Variants in PTPRD observed in about 807,000 individuals in gnomAD.
PTPRD encodes receptor-type tyrosine-protein phosphatase delta.
Under a neutral mutation model 214.5 loss-of-function variants are expected in PTPRD, and 34 were observed. The observed-to-expected ratio is 0.16, with a 90% CI of 0.12 to 0.21. PTPRD has a LOEUF of 0.21. Among genes scored for constraint, PTPRD ranks in the 10% least tolerant of loss-of-function variants. PTPRD has a pLI of 1.00. For missense variants in PTPRD, 2,545 were observed against 2,398.7 expected, an observed-to-expected ratio of 1.06 and a Z score of -1.27; for synonymous variants, 1,128 against 845.7, an observed-to-expected ratio of 1.33 and a Z score of -5.79.
At chr9:8,451,638 G>A (rs919326160) in intron 33 of PTPRD, among the ~76,000 whole-genome samples, 4 of 152,158 alleles carry the variant, frequency 2.6e-5, no homozygotes, top group African/African-American at 7.2e-5. Context: ...TTAATGAAAC[G>A]TCACTGGGTG....
Position 9,786,263 on chromosome 9 carries a change from A to G in PTPRD, c.-367-19412T>C, listed in dbSNP as rs924398697. Among the ~76,000 whole-genome samples, 9 of 152,152 alleles carry G rather than the reference A, an allele frequency of 5.9e-5. No individual in the cohort carries two copies. The South Asian group carries it at 6.2e-4, about 10-fold the overall frequency. Reference sequence around the variant, plus strand: ...ACTAATGAAAACTAGAAAAATTTACATCTTCTATGCCTACTCTAACCCATT... The same window carrying G: ...ACTAATGAAAACTAGAAAAATTTACGTCTTCTATGCCTACTCTAACCCATT... On this transcript the variant is annotated intron_variant, in intron 5 of 45. Coordinates refer to ENST00000381196, the MANE Select transcript of PTPRD (RefSeq NM_002839.4).
intron 3 of PTPRD, among the ~76,000 whole-genome samples, chr9:10,290,090 A>C (rs992963623): frequency 2.0e-5 from 3 of 152,154 alleles, no homozygotes; most frequent in African/African-American, 7.2e-5. Flanking sequence ...AAATTTTAAT[A>C]CTCAAATCAT....
intron 5 of PTPRD, among the ~76,000 whole-genome samples, chr9:9,808,168 T>C (rs1461654389): frequency 6.6e-6 from 1 of 152,202 alleles, no homozygotes; most frequent in African/African-American, 2.4e-5. Context: ...TGTTGCATAC[T>C]TCATAACTAT....
rs778163862 is a variant in PTPRD at position 8,373,804 on chromosome 9, TTATGTATGTATGTATG to T, written c.4661+2116_4661+2131del. Among the ~76,000 whole-genome samples, 128 of 127,000 alleles carry T rather than the reference TTATGTATGTATGTATG, an allele frequency of 1.0e-3. 1 individual carries two copies. The highest frequency in any genetic ancestry group is 4.4e-3 in the African/African-American group (124 of 27,956). 83.3% of individuals were successfully genotyped at this position (127,000 alleles called of 152,430 possible). On this transcript the variant is annotated intron_variant, in intron 39 of 45. Transcript: ENST00000381196. Reference sequence around the variant, plus strand: ...CAGAGGGTGAAATGCATTTTAAAAATTATGTATGTATGTATGTATGTATGTATGTATGTATGTATGT... The same window carrying T: ...CAGAGGGTGAAATGCATTTTAAAAATTATGTATGTATGTATGTATGTATGT...
In PTPRD at chr9:9,996,731, T is replaced by C. The variant is rs143140560; in HGVS notation, c.-472+36987A>G. Among the ~76,000 whole-genome samples, 298 of 152,284 alleles carry C rather than the reference T, an allele frequency of 2.0e-3. 5 individuals are homozygous for C. The highest frequency in any genetic ancestry group is 6.7e-3 in the African/African-American group (277 of 41,564). On this transcript the variant is annotated intron_variant, in intron 4 of 45. Coordinates refer to ENST00000381196, the MANE Select transcript of PTPRD (RefSeq NM_002839.4). The stretch of plus-strand genomic sequence containing the variant: ...TAATTATTAGCTGACCACTATAAGG[T>C]CCTCAGAAGTGATTTCAGTGGCTTC...
At chr9:9,703,540 G>C (rs921173533) in intron 7 of PTPRD, among the ~76,000 whole-genome samples, 78 of 152,238 alleles carry the variant, frequency 5.1e-4, no homozygotes, top group African/African-American at 1.7e-3. Flanking sequence ...ATTTTGAAAA[G>C]ATTGGCAGGT....
intron 7 of PTPRD, among the ~76,000 whole-genome samples, chr9:9,674,706 A>G (rs2096896428): frequency 6.6e-6 from 1 of 151,824 alleles, no homozygotes; most frequent in South Asian, 2.1e-4. Context: ...AAAGATCGTT[A>G]GGGTAATAAA....
chr9:9,192,047 A>C (rs1383243585), intron 9 of PTPRD, among the ~76,000 whole-genome samples: 2 of 152,012 alleles, frequency 1.3e-5, no homozygotes, highest in African/African-American at 4.8e-5. Context: ...TCAAAATATG[A>C]TCAAAGGAGT....
At chr9:8,766,142 C>A (rs1473927361) in intron 11 of PTPRD, among the ~76,000 whole-genome samples, 3 of 149,368 alleles carry the variant, frequency 2.0e-5, no homozygotes. Flanking sequence ...AGCAGGTCCT[C>A]AGGTAACATC....
intron 8 of PTPRD, among the ~76,000 whole-genome samples, chr9:9,416,351 T>G (rs1337861470): frequency 6.6e-6 from 1 of 152,224 alleles, no homozygotes; most frequent in African/African-American, 2.4e-5. Flanking sequence ...AGAATGTGAT[T>G]TGAGTCCCAG....
At chr9:10,103,466 C>CA (rs1296306951) in intron 3 of PTPRD, among the ~76,000 whole-genome samples, 1 of 147,080 alleles carries the variant, frequency 6.8e-6, no homozygotes, top group African/African-American at 2.5e-5. Flanking sequence ...GTTTAATTAG[C>CA]AAAAAATAGT....
chr9:8,872,405 G>A (rs2098316664), intron 11 of PTPRD, among the ~76,000 whole-genome samples: 1 of 152,182 alleles, frequency 6.6e-6, no homozygotes, highest in South Asian at 2.1e-4. Context: ...TCTCTCACAT[G>A]ATTGAGTATT....
At chr9:8,668,754 T>C (rs576762155) in intron 12 of PTPRD, among the ~76,000 whole-genome samples, 323 of 152,340 alleles carry the variant, frequency 2.1e-3, no homozygotes, top group African/African-American at 7.5e-3. Context: ...CTCGAATCTT[T>C]ACTATAATAG....
chr9:9,736,751 T>A (rs983729764), intron 6 of PTPRD, among the ~76,000 whole-genome samples: 1 of 152,042 alleles, frequency 6.6e-6, no homozygotes, highest in South Asian at 2.1e-4. Flanking sequence ...CTGAGAAGGT[T>A]TTTTTAAGTT....
At chr9:9,218,387 T>C (rs1593827557) in intron 9 of PTPRD, among the ~76,000 whole-genome samples, 1 of 152,176 alleles carries the variant, frequency 6.6e-6, no homozygotes, top group Non-Finnish European at 1.5e-5. Context: ...ACAAGACTAG[T>C]GGCCATTAGA....
At chr9:9,176,946 T>C (rs775813388) in intron 10 of PTPRD, among the ~76,000 whole-genome samples, 5 of 152,186 alleles carry the variant, frequency 3.3e-5, no homozygotes, top group Non-Finnish European at 5.9e-5. Flanking sequence ...GGTCAAAATA[T>C]GTCCTATGAG....
intron 10 of PTPRD, among the ~76,000 whole-genome samples, chr9:9,019,309 A>AAAGG (rs56673470): frequency 0.025 from 2,708 of 107,814 alleles, 28 homozygotes; most frequent in South Asian, 0.046. Flanking sequence ...AGAAAGAAAG[A>AAAGG]AAGAAAGAAA....
chr9:10,233,269 G>A (rs142757772), intron 3 of PTPRD, among the ~76,000 whole-genome samples: 1 of 152,080 alleles, frequency 6.6e-6, no homozygotes, highest in African/African-American at 2.4e-5. Context: ...GTACACAGAG[G>A]TTGCTAAAAT....
chr9:9,089,881 G>C (rs749951225), intron 10 of PTPRD, among the ~76,000 whole-genome samples: 81 of 152,060 alleles, frequency 5.3e-4, no homozygotes, highest in Non-Finnish European at 1.0e-3. Context: ...CTTTCACTGT[G>C]TTTGAAAAAT....
Sources: allele counts gnomAD v4.1 joint callset (sites outside exome capture counted in the v4.1 genomes callset), GRCh38; gene constraint gnomAD v4.1.1; transcripts MANE v1.5; gene names NCBI Gene and HGNC (gene_info 2026-07-23, HGNC 2026-07-21).